The following CSTPP1 variants were observed in gnomAD, a reference collection of about 807,000 sequenced individuals.
CSTPP1 encodes centriolar satellite-associated tubulin polyglutamylase complex regulator 1, also known as UPF0705 protein C11orf49.
the CSTPP1 span, among the ~76,000 whole-genome samples, chr11:47,146,904 GAC>G: frequency 2.0e-5 from 3 of 152,172 alleles, no homozygotes; most frequent in East Asian, 1.9e-4. Flanking sequence ...GTTACAGAAT[GAC>G]ACAGAGTTTG....
the CSTPP1 span, among the ~76,000 whole-genome samples, chr11:47,139,894 T>C: frequency 1.3e-5 from 2 of 152,124 alleles, no homozygotes; most frequent in South Asian, 4.1e-4. Context: ...TGCTCCCACC[T>C]CCCTGTGTCA....
At chr11:46,989,423 A>T in the CSTPP1 span, among the ~76,000 whole-genome samples, 1 of 152,124 alleles carries the variant, frequency 6.6e-6, no homozygotes, top group Admixed American at 6.5e-5. Context: ...CAGCCTCCCC[A>T]GTAGCTGGGA....
the CSTPP1 span, among the ~76,000 whole-genome samples, chr11:46,938,414 T>G: frequency 6.6e-6 from 1 of 150,594 alleles, no homozygotes; most frequent in Non-Finnish European, 1.5e-5. Context: ...ACATTAGGGT[T>G]CTTTGTGTTG....
At chr11:47,105,368 G>A in the CSTPP1 span, among the ~76,000 whole-genome samples, 7 of 152,216 alleles carry the variant, frequency 4.6e-5, no homozygotes, top group Non-Finnish European at 8.8e-5. Flanking sequence ...GTAGTTGGGC[G>A]TGGTAGCCTG....
chr11:47,149,777 C>G, the CSTPP1 span, among the ~76,000 whole-genome samples: 2 of 152,066 alleles, frequency 1.3e-5, no homozygotes, highest in Non-Finnish European at 2.9e-5. Context: ...ACTGTCCCCC[C>G]ACTAGATTTA....
the CSTPP1 span, among the ~76,000 whole-genome samples, chr11:47,038,810 T>C: frequency 2.6e-5 from 3 of 116,352 alleles, 1 homozygote; most frequent in East Asian, 4.7e-4. Flanking sequence ...GCGGAGGGGC[T>C]CCTCACTTCT....
chr11:47,055,104 T>C, the CSTPP1 span, among the ~76,000 whole-genome samples: 2 of 151,578 alleles, frequency 1.3e-5, no homozygotes, highest in African/African-American at 4.9e-5. Flanking sequence ...GGCTAATTTT[T>C]CTATTTTTTA....
chr11:47,005,094 T>C, the CSTPP1 span, among the ~76,000 whole-genome samples: 3 of 152,190 alleles, frequency 2.0e-5, no homozygotes, highest in African/African-American at 7.2e-5. Context: ...CCAGGAGAAC[T>C]TGTACTGCTA....
At chr11:47,161,179 G>C in the CSTPP1 span, 2 of 1,614,246 alleles carry the variant, frequency 1.2e-6, no homozygotes, top group Non-Finnish European at 1.7e-6. Context: ...TGGATGAAGA[G>C]CTGGAACGGC....
chr11:46,949,497 T>A, the CSTPP1 span, among the ~76,000 whole-genome samples: 2 of 152,192 alleles, frequency 1.3e-5, no homozygotes, highest in Non-Finnish European at 2.9e-5. Context: ...TGCTAATCTT[T>A]GTTACCATGC....
the CSTPP1 span, among the ~76,000 whole-genome samples, chr11:47,066,348 G>A: frequency 1.3e-5 from 2 of 151,942 alleles, no homozygotes; most frequent in South Asian, 4.2e-4. Context: ...TGTCTGCATG[G>A]ATTTTCTCTG....
chr11:47,099,207 A>G, the CSTPP1 span, among the ~76,000 whole-genome samples: 1 of 152,204 alleles, frequency 6.6e-6, no homozygotes, highest in Non-Finnish European at 1.5e-5. Context: ...CTTTCCATAC[A>G]ACTATTCATT....
At chr11:46,938,696 G>C in the CSTPP1 span, among the ~76,000 whole-genome samples, 2 of 150,946 alleles carry the variant, frequency 1.3e-5, no homozygotes, top group Non-Finnish European at 2.9e-5. Context: ...GTCTTTCTGT[G>C]GCATGATAAC....
chr11:46,972,469 G>A, the CSTPP1 span, among the ~76,000 whole-genome samples: 1 of 152,178 alleles, frequency 6.6e-6, no homozygotes, highest in Non-Finnish European at 1.5e-5. Context: ...TTAAGAGCAA[G>A]TCTGAAGGTC....
the CSTPP1 span, among the ~76,000 whole-genome samples, chr11:47,006,052 A>G: frequency 6.6e-6 from 1 of 152,190 alleles, no homozygotes; most frequent in African/African-American, 2.4e-5. Context: ...ATGTGTGTGA[A>G]TAATTTTGGA....
At chr11:47,161,819 G>C in the CSTPP1 span, 2 of 1,402,134 alleles carry the variant, frequency 1.4e-6, no homozygotes, top group Non-Finnish European at 9.2e-7. Context: ...GCCCCGGAAG[G>C]TGAATGGCCT....
At chr11:47,044,226 A>T in the CSTPP1 span, among the ~76,000 whole-genome samples, 2 of 151,640 alleles carry the variant, frequency 1.3e-5, no homozygotes, top group Non-Finnish European at 2.9e-5. Flanking sequence ...TGACCTTGTG[A>T]CCCACCCGCC....
the CSTPP1 span, among the ~76,000 whole-genome samples, chr11:47,156,243 C>T: frequency 6.6e-6 from 1 of 152,202 alleles, no homozygotes; most frequent in Non-Finnish European, 1.5e-5. Context: ...CTCTTGGGCC[C>T]TAGAGAAGGA....
the CSTPP1 span, among the ~76,000 whole-genome samples, chr11:47,147,610 G>A: frequency 6.6e-6 from 1 of 152,152 alleles, no homozygotes; most frequent in Admixed American, 6.5e-5. Context: ...CAGGCTGGGA[G>A]AAGGGAAAGG....
Sources: allele counts gnomAD v4.1 joint callset (sites outside exome capture counted in the v4.1 genomes callset), GRCh38; gene constraint gnomAD v4.1.1; transcripts MANE v1.5; gene names NCBI Gene and HGNC (gene_info 2026-07-23, HGNC 2026-07-21).